Variants in COL22A1 observed in about 807,000 individuals in gnomAD.
COL22A1 encodes the protein collagen alpha-1(XXII) chain.
A neutral mutation model predicts 248.9 loss-of-function variants in COL22A1; 221 were observed. The ratio of observed to expected loss-of-function variants is 0.89; its 90% CI spans 0.80 to 0.99. COL22A1 has a LOEUF of 0.99. Among genes scored for constraint, COL22A1 ranks in the 50% least tolerant of loss-of-function variants. The pLI, the probability that COL22A1 is intolerant of heterozygous loss-of-function variation, is 0.00. For missense variants in COL22A1, 2,240 were observed against 2,179.0 expected, an observed-to-expected ratio of 1.03 and a Z score of -0.56; for synonymous variants, 891 against 793.4, an observed-to-expected ratio of 1.12 and a Z score of -2.07.
intron 4 of COL22A1, 131 bp downstream of exon 4, chr8:138,843,953 A>G (rs1478634866): frequency 2.9e-5 from 24 of 816,150 alleles, no homozygotes; most frequent in Non-Finnish European, 5.2e-5. Flanking sequence ...AAACCACTTT[A>G]TCAGGACTCT....
chr8:138,761,062 G>T (rs1013345290), intron 17 of COL22A1, among the ~76,000 whole-genome samples: 1 of 152,152 alleles, frequency 6.6e-6, no homozygotes, highest in African/African-American at 2.4e-5. Context: ...TGCATGCAAA[G>T]CACCCTCACT....
rs142455757 is a variant in COL22A1, at chr8:138,741,871, G to A, written c.2086-4294C>T. 3.4e-3 allele frequency among the ~76,000 whole-genome samples: 515 copies of A among 152,272 alleles called. 7 individuals are homozygous for A. The highest frequency in any genetic ancestry group is 0.012 in the African/African-American group (494 of 41,542). ...GGTGGCGGTGATGGGGTCTTGTGGT[G>A]GCATTGATGATGATGGCATTAATGG... On this transcript the variant is annotated intron_variant, in intron 22 of 64. Transcript: ENST00000303045.
intron 41 of COL22A1, among the ~76,000 whole-genome samples, chr8:138,665,614 G>A (rs554199457): frequency 6.6e-6 from 1 of 152,300 alleles, no homozygotes; most frequent in South Asian, 2.1e-4. Context: ...TCCCCTAGGA[G>A]CATACAGAGC....
At chr8:138,652,999 G>A (rs936817112) in intron 45 of COL22A1, among the ~76,000 whole-genome samples, 5 of 151,808 alleles carry the variant, frequency 3.3e-5, no homozygotes, top group Non-Finnish European at 5.9e-5. Flanking sequence ...CACCTGCTTC[G>A]GCCTCCCTAA....
intron 22 of COL22A1, among the ~76,000 whole-genome samples, chr8:138,746,404 C>G (rs960906535): frequency 1.3e-5 from 2 of 152,184 alleles, no homozygotes; most frequent in Non-Finnish European, 2.9e-5. Flanking sequence ...TTGAATAAGT[C>G]ATTTTGTCTT....
Position 138,693,669 on chromosome 8 carries a change from C to G in COL22A1, c.2731G>C (p.Ala911Pro), listed in dbSNP as rs1381743553. ...GAKGQEGAHG[A>P]PGAAGNPGAP... Reference sequence around the variant, plus strand: ...ACGGGGTTTCCAGCTGCTCCAGGAGCCCCATGTGCACCTTCCTGTCCCTTG... The same window carrying G: ...ACGGGGTTTCCAGCTGCTCCAGGAGGCCCATGTGCACCTTCCTGTCCCTTG... The change falls in exon 35 of 65, where the codon GCT (alanine) becomes CCT (proline). Residue 911 changes from alanine to proline, a missense_variant. Coordinates refer to ENST00000303045, the MANE Select transcript of COL22A1 (RefSeq NM_152888.3). 6.3e-7 allele frequency: 1 copy of G among 1,585,972 alleles called. No homozygotes were observed. Among genetic ancestry groups the G allele is most frequent in the South Asian group, 1.2e-5 (1 of 86,664 alleles).
At chr8:138,652,245 C>T (rs1335736292) in intron 45 of COL22A1, among the ~76,000 whole-genome samples, 1 of 152,244 alleles carries the variant, frequency 6.6e-6, no homozygotes, top group Non-Finnish European at 1.5e-5. Context: ...CCATACGCCA[C>T]TTGAACCTCT....
chr8:138,830,185 T>C (rs1301698559), intron 5 of COL22A1, among the ~76,000 whole-genome samples: 1 of 152,242 alleles, frequency 6.6e-6, no homozygotes, highest in Admixed American at 6.5e-5. Flanking sequence ...GGCCAGCCTC[T>C]GCTTCTTCTG....
chr8:138,725,213 G>A (rs1830204544), intron 24 of COL22A1, among the ~76,000 whole-genome samples, 174 bp downstream of exon 24: 1 of 152,226 alleles, frequency 6.6e-6, no homozygotes, highest in African/African-American at 2.4e-5. Context: ...GGGTTCCGAA[G>A]GTCGGAGAGT....
At position 138,604,757 on chromosome 8, in the gene COL22A1, C is replaced by T. The variant is rs1818295447; in HGVS notation, c.4117G>A (p.Glu1373Lys). The change falls in exon 59 of 65, where the codon GAG becomes AAG. Residue 1373 changes from glutamate (E) to lysine (K), a missense_variant. Glu to Lys is a moderately conservative substitution (Grantham distance 56). Transcript: ENST00000303045. ...GCCTCCTTGCCTGGGACTCCTTTCT[C>T]TCCTGGTTCTCCCTGGAAAACAGAA... Reference protein sequence around the residue: ...GPRGPPGEPGEKGVPGKEGVP... With the variant: ...GPRGPPGEPGKKGVPGKEGVP... 5.0e-6 allele frequency: 8 copies of T among 1,612,720 alleles called. No individual in the cohort carries two copies. The East Asian group carries it at 1.6e-4, about 31-fold the overall frequency.
At chr8:138,763,909 C>T (rs1360785563) in intron 16 of COL22A1, among the ~76,000 whole-genome samples, 1 of 152,230 alleles carries the variant, frequency 6.6e-6, no homozygotes, top group African/African-American at 2.4e-5. Flanking sequence ...CCTCCCCAGT[C>T]ACACGAGGAC....
chr8:138,876,483 C>T (rs1026158919), intron 3 of COL22A1, among the ~76,000 whole-genome samples: 1 of 152,152 alleles, frequency 6.6e-6, no homozygotes, highest in Non-Finnish European at 1.5e-5. Flanking sequence ...TCTGTAGCCC[C>T]AGAAATCAGC....
chr8:138,606,293 G>T, intron 58 of COL22A1, 88 bp downstream of exon 58: 1 of 1,185,618 alleles, frequency 8.4e-7, no homozygotes, highest in Non-Finnish European at 1.2e-6. Flanking sequence ...CAGAACTGAG[G>T]ACACAGGAGG....
chr8:138,692,061 C>T (rs1432977249), intron 35 of COL22A1, among the ~76,000 whole-genome samples: 4 of 53,520 alleles, frequency 7.5e-5, no homozygotes, highest in African/African-American at 3.5e-4. Flanking sequence ...TGTGTGCGCG[C>T]ACGTTTGTGG....
chr8:138,791,662 C>A (rs1371384170), intron 12 of COL22A1, among the ~76,000 whole-genome samples: 1 of 152,132 alleles, frequency 6.6e-6, no homozygotes, highest in Non-Finnish European at 1.5e-5. Flanking sequence ...CACTTGGCAT[C>A]CTCTTCAGGA....
intron 47 of COL22A1, among the ~76,000 whole-genome samples, chr8:138,639,451 C>T (rs946749481): frequency 6.6e-6 from 1 of 152,210 alleles, no homozygotes; most frequent in Non-Finnish European, 1.5e-5. Context: ...GCTTTCTATA[C>T]ACTGGATATA....
At chr8:138,881,299 G>GA (rs60720644) in intron 2 of COL22A1, among the ~76,000 whole-genome samples, 3,555 of 139,234 alleles carry the variant, frequency 0.026, 182 homozygotes, top group African/African-American at 0.088. Context: ...GAGAGGCTCA[G>GA]AAAAAAAAAA....
Position 138,690,736 on chromosome 8 carries a change from G to A in COL22A1, c.2808+85C>T. 1.9e-6 allele frequency: 2 copies of A among 1,077,882 alleles called. 1 individual carries two copies. The highest frequency in any genetic ancestry group is 3.4e-5 in the South Asian group (2 of 59,144). The allele number at this position is 1,077,882 out of a possible 1,614,324, so 66.8% of individuals were successfully genotyped here. A position where few individuals can be genotyped will look rare whatever the true frequency, so the allele number is the denominator to read the frequency against. On this transcript the variant is annotated intron_variant, in intron 36 of 64. Coordinates refer to ENST00000303045, the MANE Select transcript of COL22A1 (RefSeq NM_152888.3). ...GTAAGGATCCTCCCCTTACTCCCAT[G>A]TATCCTACGCCTCTGGCTTTTGGGG...
intron 22 of COL22A1, among the ~76,000 whole-genome samples, chr8:138,749,493 A>T (rs1417866282): frequency 3.9e-5 from 6 of 152,256 alleles, no homozygotes. Context: ...AAATGTACAA[A>T]GATTGTTGTT....
Sources: gnomAD v4.1 joint callset for allele counts (sites outside exome capture counted in the v4.1 genomes callset) on GRCh38, gnomAD v4.1.1 for gene constraint, MANE v1.5 for transcripts, NCBI Gene and HGNC (gene_info 2026-07-23, HGNC 2026-07-21) for gene names.